Variants in ABLIM2 observed in about 807,000 individuals in gnomAD.
ABLIM2 encodes actin-binding LIM protein 2.
ABLIM2 carries 53 observed loss-of-function variants against 97.7 expected under a neutral mutation model. The ratio of observed to expected loss-of-function variants is 0.54; its 90% CI spans 0.44 to 0.68. ABLIM2 has a LOEUF of 0.68. ABLIM2 is among the 30% of genes least tolerant of loss of function. The probability of loss-of-function intolerance (pLI) is 0.00; values close to 1 mark genes in which losing one functional copy is unlikely to be tolerated. For synonymous variants in ABLIM2, 361 were observed against 345.8 expected (o/e 1.04, Z -0.49); for missense variants, 835 against 867.2 (o/e 0.96, Z 0.47).
chr4:7,969,064 G>T (rs1420445243), intron 20 of ABLIM2, among the ~76,000 whole-genome samples: 1 of 152,038 alleles, frequency 6.6e-6, no homozygotes, highest in Non-Finnish European at 1.5e-5. Context: ...CCCAGGAGGT[G>T]GAGGTTGCAG....
At chr4:7,973,105 G>GTGTGTGTGTGTGTGTA (rs1560327054) in intron 20 of ABLIM2, among the ~76,000 whole-genome samples, 7 of 151,690 alleles carry the variant, frequency 4.6e-5, no homozygotes, top group African/African-American at 1.7e-4. Context: ...GTGTGTGTGT[G>GTGTGTGTGTGTGTGTA]TGTGTGTAGG....
intron 3 of ABLIM2, among the ~76,000 whole-genome samples, chr4:8,093,128 C>T (rs1019123831): frequency 7.9e-5 from 12 of 152,160 alleles, no homozygotes; most frequent in African/African-American, 2.2e-4. Context: ...GGATTACAGG[C>T]GTGAGCCACC....
chr4:7,968,620 C>T (rs566995718), intron 20 of ABLIM2, among the ~76,000 whole-genome samples: 4 of 152,266 alleles, frequency 2.6e-5, no homozygotes, highest in South Asian at 2.1e-4. Context: ...CTGAAGTGTC[C>T]GGAACAGGCA....
Position 7,998,190 on chromosome 4 carries a change from GCTGT to G in ABLIM2, c.1619-5267_1619-5264del, listed in dbSNP as rs1472984808. ...TGTGAGCCACTGCGCCGGGCCTTCT[GCTGT>G]CTTTTTTCATTCAAATCATTGATCT... On this transcript the variant is annotated intron_variant, in intron 16 of 20. Transcript: ENST00000447017. This position sits in a 1 kb window ranked among gnomAD's most constrained non-coding sequence, Gnocchi z 6.4. Among the ~76,000 whole-genome samples, 1 of 152,000 alleles carries G rather than the reference GCTGT, an allele frequency of 6.6e-6. No homozygotes were observed. The highest frequency in any genetic ancestry group is 2.4e-5 in the African/African-American group (1 of 41,372).
chr4:8,143,292 C>T (rs568153364), intron 1 of ABLIM2, among the ~76,000 whole-genome samples: 1 of 152,144 alleles, frequency 6.6e-6, no homozygotes, highest in East Asian at 1.9e-4. Context: ...GAGCTTCCTT[C>T]AGACACTGAC....
rs996130161 is a variant in ABLIM2 at position 8,085,772 on chromosome 4, T to C, written c.454+2397A>G. On this transcript the variant is annotated intron_variant, in intron 4 of 20. Coordinates refer to ENST00000447017, the MANE Select transcript of ABLIM2 (RefSeq NM_001130083.2). The surrounding 1 kb of genome is among the most constrained non-coding windows in gnomAD (Gnocchi z 6.1). ...TTTCACAGGTGTTTAGTCTTTGTAC[T>C]CATCTGTAGCATCCTCCCCCTTCCA... Among the ~76,000 whole-genome samples the C allele has an allele frequency of 5.9e-5, 9 of 152,214 alleles. No individual in the cohort carries two copies. The highest frequency in any genetic ancestry group is 2.2e-4 in the African/African-American group (9 of 41,456).
intron 16 of ABLIM2, among the ~76,000 whole-genome samples, chr4:7,997,962 A>G (rs1754499217): frequency 2.0e-5 from 3 of 150,114 alleles, no homozygotes; most frequent in Admixed American, 1.3e-4. Flanking sequence ...GCTCACCACA[A>G]CCTCCGCCTC....
chr4:8,077,787 C>T, intron 5 of ABLIM2, 66 bp from the exon 6 acceptor site: 2 of 1,382,260 alleles, frequency 1.4e-6, no homozygotes, highest in Non-Finnish European at 2.0e-6. Context: ...TCTAACAACC[C>T]TCACCAACAA....
Position 8,155,144 on chromosome 4 carries a change from T to C in ABLIM2, c.10+3536A>G, listed in dbSNP as rs1714899465. 6.6e-6 allele frequency among the ~76,000 whole-genome samples: 1 copy of C among 152,184 alleles called. No individual in the cohort carries two copies. Among genetic ancestry groups the C allele is most frequent in the South Asian group, 2.1e-4 (1 of 4,822 alleles). ...AGACCGTATCAGCTCATAGTAGGCA[T>C]TTTGTGCATCTTTGCTGAATAACGA... On this transcript the variant is annotated intron_variant, in intron 1 of 20. Transcript: ENST00000447017. The surrounding 1 kb of genome is among the most constrained non-coding windows in gnomAD (Gnocchi z 4.2).
At chr4:7,995,308 G>A (rs977192643) in intron 16 of ABLIM2, among the ~76,000 whole-genome samples, 3 of 152,168 alleles carry the variant, frequency 2.0e-5, no homozygotes, top group African/African-American at 4.8e-5. Context: ...GGCGGAGATC[G>A]GCCAGGTACA....
chr4:8,106,059 T>C (rs1366334596), intron 2 of ABLIM2, among the ~76,000 whole-genome samples: 1 of 152,236 alleles, frequency 6.6e-6, no homozygotes, highest in Non-Finnish European at 1.5e-5. Flanking sequence ...GTAATGGTAG[T>C]GTTCGCAGTG....
At chr4:8,081,744 C>T (rs139924203) in intron 4 of ABLIM2, among the ~76,000 whole-genome samples, 9 of 152,214 alleles carry the variant, frequency 5.9e-5, no homozygotes, top group Admixed American at 1.3e-4. Context: ...GGAGGCAGAG[C>T]GGCAGAGACG....
rs746566402 is a variant in ABLIM2, at chr4:7,983,573, G to A, written c.1736-19C>T. 45 of 1,612,476 alleles carry A rather than the reference G, an allele frequency of 2.8e-5. No individual in the cohort carries two copies. Among genetic ancestry groups the A allele is most frequent in the Middle Eastern group, 1.6e-4 (1 of 6,084 alleles). Reference sequence around the variant, plus strand: ...TTGTATTCTGTAAGAGAGAGAGAGCGGAGACCACGAAATGGTTTAGAAAGT... The same window carrying A: ...TTGTATTCTGTAAGAGAGAGAGAGCAGAGACCACGAAATGGTTTAGAAAGT... On this transcript the variant is annotated intron_variant, in intron 18 of 20. Transcript: ENST00000447017.
At chr4:8,031,726 AT>A (rs11312218) in intron 10 of ABLIM2, among the ~76,000 whole-genome samples, 44,990 of 139,678 alleles carry the variant, frequency 0.32, 7,666 homozygotes, top group East Asian at 0.57. Flanking sequence ...ATAAATATAC[AT>A]TTTTTTTTTT....
intron 20 of ABLIM2, among the ~76,000 whole-genome samples, chr4:7,972,049 C>G (rs551403183): frequency 6.6e-6 from 1 of 152,180 alleles, no homozygotes; most frequent in Non-Finnish European, 1.5e-5. Flanking sequence ...GGCCCAGGCC[C>G]GGAAGCTCCA....
intron 1 of ABLIM2, among the ~76,000 whole-genome samples, chr4:8,135,698 C>T (rs1306578585): frequency 6.6e-6 from 1 of 152,164 alleles, no homozygotes; most frequent in Admixed American, 6.5e-5. Context: ...GAGAGTGGCC[C>T]CAGTGGATGA....
rs1711557180 is a variant in ABLIM2 at position 8,148,802 on chromosome 4, A to G, written c.10+9878T>C. On this transcript the variant is annotated intron_variant, in intron 1 of 20. Coordinates refer to ENST00000447017, the MANE Select transcript of ABLIM2 (RefSeq NM_001130083.2). This position sits in a 1 kb window ranked among gnomAD's most constrained non-coding sequence, Gnocchi z 6.7. ...GAGGAGGCCAAGGCTCAGGGGGTAC[A>G]TGGCCTGGGCTGGTTCCTGGACCCC... is the stretch of plus-strand genomic sequence containing the variant. Among the ~76,000 whole-genome samples, 1 of 152,178 alleles carries G rather than the reference A, an allele frequency of 6.6e-6. No individual in the cohort carries two copies. The highest frequency in any genetic ancestry group is 2.1e-4 in the South Asian group (1 of 4,834).
intron 14 of ABLIM2, among the ~76,000 whole-genome samples, chr4:8,017,885 T>C (rs1242208651): frequency 6.6e-6 from 1 of 151,012 alleles, no homozygotes; most frequent in Non-Finnish European, 1.5e-5. Context: ...CCCAGGTACT[T>C]GGGAAGCTGA....
At chr4:7,977,790 C>CAATAAATAAATAAATGAATA (rs1553886717) in intron 20 of ABLIM2, among the ~76,000 whole-genome samples, 18,127 of 142,240 alleles carry the variant, frequency 0.13, 1,639 homozygotes, top group East Asian at 0.46. Context: ...GACTCTGTCT[C>CAATAAATAAATAAATGAATA]AATAAATAAA....
Sources: allele counts gnomAD v4.1 joint callset (sites outside exome capture counted in the v4.1 genomes callset), GRCh38; gene constraint gnomAD v4.1.1; non-coding constraint Gnocchi (gnomAD v3.1); transcripts MANE v1.5; gene names NCBI Gene and HGNC (gene_info 2026-07-23, HGNC 2026-07-21).